The following CENPP variants were observed in gnomAD, a reference collection of about 807,000 sequenced individuals.
CENPP encodes the protein centromere protein P.
In CENPP, 24 loss-of-function variants were observed where a neutral mutation model predicts 35.6. That is an observed-to-expected ratio of 0.67 (90% CI 0.49 to 0.95). The LOEUF is 0.95. CENPP is among the 40% of genes least tolerant of loss of function. The pLI is 0.00. For synonymous variants in CENPP, 120 were observed against 125.5 expected (o/e 0.96, Z 0.29); for missense variants, 332 against 345.3 (o/e 0.96, Z 0.31).
At chr9:92,552,164 ATATGTGATATGATAGAT>A (rs1849626667) in intron 5 of CENPP, among the ~76,000 whole-genome samples, 71 of 132,830 alleles carry the variant, frequency 5.3e-4, no homozygotes, top group South Asian at 1.9e-3. Context: ...TCTATCATAT[ATATGTGATATGATAGAT>A]CTATCATATA....
rs112418099 is a variant in CENPP at position 92,349,083 on chromosome 9, A to G, written c.467+3296A>G. Among the ~76,000 whole-genome samples, 6 of 152,326 alleles carry G rather than the reference A, an allele frequency of 3.9e-5. 1 individual carries two copies. The highest frequency in any genetic ancestry group is 1.4e-4 in the African/African-American group (6 of 41,592). ...TTGCCCTGTGTCACTCTAATGACAC[A>G]TATGTTAGACTATTTGACATATTGT... On this transcript the variant is annotated intron_variant, in intron 4 of 7. Coordinates refer to ENST00000375587, the MANE Select transcript of CENPP (RefSeq NM_001012267.3).
chr9:92,495,527 A>C, intron 5 of CENPP: 1 of 983,372 alleles, frequency 1.0e-6, no homozygotes. Context: ...TTTGTATTTT[A>C]AGCAAACTCT....
intron 5 of CENPP, among the ~76,000 whole-genome samples, chr9:92,595,270 C>T (rs1850751318): frequency 6.6e-6 from 1 of 152,100 alleles, no homozygotes; most frequent in Admixed American, 6.6e-5. Flanking sequence ...GAGATAAGAT[C>T]TCACTCTCTC....
intron 5 of CENPP, chr9:92,459,811 T>G: frequency 6.3e-7 from 1 of 1,597,456 alleles, no homozygotes; most frequent in Non-Finnish European, 8.6e-7. Flanking sequence ...ACACAGATGG[T>G]TAGGTGTGAT....
chr9:92,565,293 TAAAAAAAAAAAAAAAAA>T (rs3078380), intron 5 of CENPP, among the ~76,000 whole-genome samples: 3 of 33,162 alleles, frequency 9.0e-5, no homozygotes, highest in South Asian at 2.3e-3. Context: ...GCTGATGAGC[TAAAAAAAAAAAAAAAAA>T]AAAAAAAAAA....
At chr9:92,590,178 A>G (rs1471147741) in intron 5 of CENPP, among the ~76,000 whole-genome samples, 2 of 152,204 alleles carry the variant, frequency 1.3e-5, no homozygotes, top group East Asian at 1.9e-4. Context: ...CAGTTCAACA[A>G]AGAGTTTTCA....
chr9:92,497,704 A>AC (rs1055610908), intron 5 of CENPP, among the ~76,000 whole-genome samples: 1 of 150,712 alleles, frequency 6.6e-6, no homozygotes, highest in Non-Finnish European at 1.5e-5. Context: ...GGTTTTTTTG[A>AC]CCCCTCCAAA....
chr9:92,582,409 A>G (rs544935800), intron 5 of CENPP, among the ~76,000 whole-genome samples: 12 of 152,336 alleles, frequency 7.9e-5, no homozygotes, highest in African/African-American at 2.9e-4. Context: ...GAAAAAAATA[A>G]TTTTAAAACA....
At chr9:92,516,118 C>CAG (rs918188741) in intron 5 of CENPP, among the ~76,000 whole-genome samples, 13 of 151,362 alleles carry the variant, frequency 8.6e-5, no homozygotes, top group African/African-American at 3.2e-4. Context: ...GGCTGGAATG[C>CAG]AGTGGCATGA....
intron 5 of CENPP, chr9:92,515,152 G>T: frequency 6.2e-7 from 1 of 1,609,714 alleles, no homozygotes; most frequent in South Asian, 1.1e-5. Context: ...AGAATCACCA[G>T]AAAATTCATT....
At chr9:92,538,439 ATTT>A (rs954377704) in intron 5 of CENPP, among the ~76,000 whole-genome samples, 5 of 152,232 alleles carry the variant, frequency 3.3e-5, no homozygotes, top group African/African-American at 1.2e-4. Context: ...GTTCTTTTAT[ATTT>A]TTATCATGTT....
chr9:92,439,086 A>G (rs1317607287), intron 5 of CENPP, among the ~76,000 whole-genome samples: 1 of 152,152 alleles, frequency 6.6e-6, no homozygotes, highest in African/African-American at 2.4e-5. Flanking sequence ...ATTTTTTTGC[A>G]TATGAAGCAC....
chr9:92,524,094 C>A (rs1225532608), intron 5 of CENPP, among the ~76,000 whole-genome samples: 1 of 152,224 alleles, frequency 6.6e-6, no homozygotes, highest in Non-Finnish European at 1.5e-5. Flanking sequence ...GATTTCTCTC[C>A]ACCTGTTTGC....
chr9:92,504,833 G>T (rs1254791095), intron 5 of CENPP, among the ~76,000 whole-genome samples: 1 of 152,128 alleles, frequency 6.6e-6, no homozygotes, highest in Non-Finnish European at 1.5e-5. Flanking sequence ...GCCACTGCAC[G>T]GTCCACCTCA....
chr9:92,545,605 T>C (rs897591607), intron 5 of CENPP, among the ~76,000 whole-genome samples: 1 of 152,160 alleles, frequency 6.6e-6, no homozygotes, highest in Non-Finnish European at 1.5e-5. Flanking sequence ...CCAGTCCCAC[T>C]GACCGCCCAA....
intron 4 of CENPP, among the ~76,000 whole-genome samples, chr9:92,353,362 G>A (rs1475885013): frequency 6.6e-6 from 1 of 152,076 alleles, no homozygotes; most frequent in African/African-American, 2.4e-5. Flanking sequence ...TTTTTTTCCT[G>A]ATGGAGCGAC....
chr9:92,384,884 G>A (rs1422507090), intron 5 of CENPP: 1 of 152,308 alleles, frequency 6.6e-6, no homozygotes, highest in Non-Finnish European at 1.5e-5. Flanking sequence ...AAGCATATTG[G>A]TTTTGGCCTG....
At chr9:92,377,050 G>T (rs978635568) in intron 4 of CENPP, among the ~76,000 whole-genome samples, 2 of 151,420 alleles carry the variant, frequency 1.3e-5, no homozygotes, top group East Asian at 3.9e-4. Flanking sequence ...AAAAAAGAAA[G>T]AAAAGGGAAG....
chr9:92,470,879 C>T, intron 5 of CENPP: 2 of 759,466 alleles, frequency 2.6e-6, no homozygotes, highest in Non-Finnish European at 4.3e-6. Flanking sequence ...CCATGATTAT[C>T]ATCAAGTTAC....
Sources: gnomAD v4.1 joint callset for allele counts (sites outside exome capture counted in the v4.1 genomes callset) on GRCh38, gnomAD v4.1.1 for gene constraint, MANE v1.5 for transcripts, NCBI Gene and HGNC (gene_info 2026-07-23, HGNC 2026-07-21) for gene names.